CNRIP1: variants seen among roughly 807,000 people sequenced by gnomAD.
CNRIP1 encodes the protein CB1 cannabinoid receptor-interacting protein 1.
A neutral mutation model predicts 15.2 loss-of-function variants in CNRIP1; 10 were observed. The ratio of observed to expected loss-of-function variants is 0.66; its 90% CI spans 0.41 to 1.12. The LOEUF is 1.12. CNRIP1 is among the 50% of genes most tolerant of loss of function. The pLI, the probability that CNRIP1 is intolerant of heterozygous loss-of-function variation, is 0.00. For missense variants in CNRIP1, 211 were observed against 214.7 expected, an observed-to-expected ratio of 0.98 and a Z score of 0.11; for synonymous variants, 91 against 83.2, an observed-to-expected ratio of 1.09 and a Z score of -0.51.
At chr2:68,290,928 C>T (rs1483988034), downstream of CNRIP1, among the ~76,000 whole-genome samples, 1 of 152,186 alleles carries the variant, frequency 6.6e-6, no homozygotes, top group Non-Finnish European at 1.5e-5. Context: ...TGGCCTAGTT[C>T]CTCAAGCTTC....
downstream of CNRIP1, among the ~76,000 whole-genome samples, chr2:68,291,282 A>C (rs1330688686): frequency 6.6e-6 from 1 of 151,120 alleles, no homozygotes; most frequent in African/African-American, 2.5e-5. Flanking sequence ...AGATATGCAC[A>C]CACACTTTCC....
At chr2:68,306,623 A>G (rs1266533235) in intron 2 of CNRIP1, among the ~76,000 whole-genome samples, 1 of 152,020 alleles carries the variant, frequency 6.6e-6, no homozygotes, top group Non-Finnish European at 1.5e-5. Context: ...TCTACTGAAA[A>G]TACAAAACTT....
exon 3 of CNRIP1, chr2:68,284,185 C>T (rs1670972040): frequency 3.3e-6 from 1 of 307,626 alleles, no homozygotes; most frequent in Non-Finnish European, 6.0e-6. Context: ...GTTTTCCAAA[C>T]TTTAATATGA....
At chr2:68,316,684 T>C (rs1389687122) in intron 2 of CNRIP1, 1 of 185,380 alleles carries the variant, frequency 5.4e-6, no homozygotes, top group Admixed American at 5.4e-5. Context: ...TAGGTATATA[T>C]TATATAAAAT....
intron 2 of CNRIP1, chr2:68,316,940 G>A (rs1327954499): frequency 3.0e-5 from 19 of 643,824 alleles, no homozygotes; most frequent in Admixed American, 5.2e-5. Context: ...TCTGCTTATG[G>A]TGTCTTTTCA....
At chr2:68,307,730 A>C (rs1671909527) in intron 2 of CNRIP1, among the ~76,000 whole-genome samples, 1 of 152,228 alleles carries the variant, frequency 6.6e-6, no homozygotes, top group Admixed American at 6.5e-5. Context: ...TCTAACAAAA[A>C]GTGCTTTAAT....
chr2:68,305,631 TAAAAA>T (rs1671808862), intron 2 of CNRIP1, among the ~76,000 whole-genome samples: 1 of 150,460 alleles, frequency 6.6e-6, no homozygotes, highest in African/African-American at 2.4e-5. Flanking sequence ...CCGTCTCTAC[TAAAAA>T]TACAAAAGAA....
intron 2 of CNRIP1, among the ~76,000 whole-genome samples, chr2:68,297,077 T>C (rs1217073374): frequency 1.3e-5 from 2 of 152,170 alleles, no homozygotes; most frequent in Non-Finnish European, 1.5e-5. Flanking sequence ...GATTTTCTTC[T>C]ATATTCTTAT....
chr2:68,317,349 C>G (rs1226391043), intron 1 of CNRIP1, 42 bp from the exon 2 acceptor site: 1 of 1,603,730 alleles, frequency 6.2e-7, no homozygotes, highest in South Asian at 1.1e-5. Flanking sequence ...TGAAATTAGC[C>G]TAGGCACCCT....
At chr2:68,316,993 A>G in intron 2 of CNRIP1, 164 bp downstream of exon 2, 1 of 826,548 alleles carries the variant, frequency 1.2e-6, no homozygotes, top group East Asian at 2.4e-5. Context: ...GCATTAATTA[A>G]GTAGTTCTCT....
intron 2 of CNRIP1, among the ~76,000 whole-genome samples, chr2:68,302,936 C>T (rs140020633): frequency 0.069 from 10,443 of 150,940 alleles, 482 homozygotes; most frequent in Non-Finnish European, 0.1. Context: ...AGGCTCCGCC[C>T]CCCGGGGTTC....
intron 2 of CNRIP1, among the ~76,000 whole-genome samples, chr2:68,301,005 T>A (rs1558663883): frequency 6.6e-6 from 1 of 152,228 alleles, no homozygotes; most frequent in Non-Finnish European, 1.5e-5. Context: ...CAATTCCACA[T>A]AAATTCTTTC....
chr2:68,305,259 A>ATATAT (rs1553415389), intron 2 of CNRIP1, among the ~76,000 whole-genome samples: 11 of 100,360 alleles, frequency 1.1e-4, no homozygotes, highest in Admixed American at 2.3e-4. Context: ...AAAAAAAAAA[A>ATATAT]ATATATATAT....
chr2:68,305,513 A>T (rs961450081), intron 2 of CNRIP1, among the ~76,000 whole-genome samples: 4 of 151,722 alleles, frequency 2.6e-5, no homozygotes, highest in East Asian at 1.9e-4. Flanking sequence ...AACTGGAAGT[A>T]GGCCGGGGGC....
At chr2:68,318,491 C>T (rs916984446) in intron 1 of CNRIP1, among the ~76,000 whole-genome samples, 1 of 152,180 alleles carries the variant, frequency 6.6e-6, no homozygotes, top group Non-Finnish European at 1.5e-5. Context: ...CGGTCGCTGG[C>T]AAGAAATCGT....
intron 2 of CNRIP1, among the ~76,000 whole-genome samples, chr2:68,301,870 G>A (rs2103643478): frequency 7.4e-6 from 1 of 135,894 alleles, no homozygotes; most frequent in South Asian, 2.4e-4. Flanking sequence ...CCAGAGCCTG[G>A]GCGACAGAGC....
intron 2 of CNRIP1, among the ~76,000 whole-genome samples, chr2:68,301,306 T>C (rs1344701021): frequency 1.3e-5 from 2 of 152,206 alleles, no homozygotes; most frequent in African/African-American, 2.4e-5. Flanking sequence ...ATTATATCCA[T>C]AGTTGGAGAA....
At chr2:68,288,230 T>C (rs1671081171), downstream of CNRIP1, among the ~76,000 whole-genome samples, 1 of 152,190 alleles carries the variant, frequency 6.6e-6, no homozygotes, top group South Asian at 2.1e-4. Context: ...AGAAATAGGA[T>C]AATAAAATAT....
At chr2:68,319,162 C>T in intron 1 of CNRIP1, 60 bp downstream of exon 1, 1 of 1,456,598 alleles carries the variant, frequency 6.9e-7, no homozygotes, top group Non-Finnish European at 9.1e-7. Flanking sequence ...TCCTGGGGGC[C>T]TCAGTCCTCT....
Sources: allele counts gnomAD v4.1 joint callset (sites outside exome capture counted in the v4.1 genomes callset), GRCh38; gene constraint gnomAD v4.1.1; transcripts MANE v1.5; gene names NCBI Gene and HGNC (gene_info 2026-07-23, HGNC 2026-07-21).